PLD5: variants seen among roughly 807,000 people sequenced by gnomAD.
PLD5 encodes the protein phospholipase D family member 5, also known as inactive phospholipase D5.
PLD5 carries 36 observed loss-of-function variants against 61.1 expected under a neutral mutation model. That is an observed-to-expected ratio of 0.59 (90% CI 0.45 to 0.78). The LOEUF (loss-of-function observed/expected upper bound fraction) is 0.78. Ranked by LOEUF, PLD5 falls within the 30% of genes least tolerant of loss-of-function variation. The pLI, the probability that PLD5 is intolerant of heterozygous loss-of-function variation, is 0.00. For missense variants in PLD5, 515 were observed against 644.4 expected, an observed-to-expected ratio of 0.80 and a Z score of 2.17; for synonymous variants, 243 against 242.8, an observed-to-expected ratio of 1.00 and a Z score of -0.01.
At chr1:242,406,354 G>C (rs1026284794) in intron 1 of PLD5, among the ~76,000 whole-genome samples, 3 of 152,180 alleles carry the variant, frequency 2.0e-5, no homozygotes, top group Non-Finnish European at 4.4e-5. Context: ...TCTCCACTAA[G>C]AGAGCTAACA....
At chr1:242,095,925 A>G (rs1272544860) in intron 9 of PLD5, among the ~76,000 whole-genome samples, 1 of 152,128 alleles carries the variant, frequency 6.6e-6, no homozygotes, top group Non-Finnish European at 1.5e-5. Flanking sequence ...GGTCACTGAG[A>G]GTGACAACAG....
chr1:242,523,945 C>T (rs1256440051), intron 1 of PLD5, 143 bp downstream of exon 1: 1 of 897,548 alleles, frequency 1.1e-6, no homozygotes, highest in Non-Finnish European at 1.6e-6. Flanking sequence ...GCAGAGAAGC[C>T]CCCGAATCCG....
At chr1:242,146,138 A>G (rs541158968) in intron 5 of PLD5, among the ~76,000 whole-genome samples, 1 of 152,336 alleles carries the variant, frequency 6.6e-6, no homozygotes, top group Non-Finnish European at 1.5e-5. Flanking sequence ...TTGCTTACCA[A>G]GCTCAAGAGT....
At chr1:242,200,882 T>C (rs924968111) in intron 5 of PLD5, among the ~76,000 whole-genome samples, 2 of 152,206 alleles carry the variant, frequency 1.3e-5, no homozygotes, top group African/African-American at 4.8e-5. Flanking sequence ...TTTATTAACA[T>C]GTTATGCGTG....
chr1:242,328,142 C>T (rs1407027352), intron 2 of PLD5, among the ~76,000 whole-genome samples: 1 of 152,126 alleles, frequency 6.6e-6, no homozygotes, highest in Non-Finnish European at 1.5e-5. Context: ...AATAGTCAAT[C>T]ATTAACAACT....
At chr1:242,404,498 A>G (rs1338544350) in intron 1 of PLD5, among the ~76,000 whole-genome samples, 1 of 152,098 alleles carries the variant, frequency 6.6e-6, no homozygotes, top group African/African-American at 2.4e-5. Context: ...ACAGTTGTTC[A>G]CACTACGCCA....
At position 242,290,138 on chromosome 1, in the gene PLD5, T is replaced by C. The variant is rs547260433; in HGVS notation, c.327-1608A>G. Among the ~76,000 whole-genome samples the C allele has an allele frequency of 1.8e-3, 265 of 149,770 alleles. 2 individuals are homozygous for C. The highest frequency in any genetic ancestry group is 5.9e-3 in the African/African-American group (241 of 40,640). On this transcript the variant is annotated intron_variant, in intron 2 of 9. Transcript: ENST00000536534. Reference sequence around the variant, plus strand: ...GAATTTAGTGGAAAAGCCTATCTCATATGTACTGACTCAAATAGGAGGTAG... The same window carrying C: ...GAATTTAGTGGAAAAGCCTATCTCACATGTACTGACTCAAATAGGAGGTAG...
chr1:242,394,466 A>G lies in PLD5; in HGVS notation c.190-46224T>C, dbSNP rs1440729598. 2.4e-4 allele frequency among the ~76,000 whole-genome samples: 14 copies of G among 58,532 alleles called. 4 individuals carry two copies. Among genetic ancestry groups the G allele is most frequent in the Non-Finnish European group, 3.6e-4 (12 of 32,954 alleles). The allele number at this position is 58,532 out of a possible 152,430, so 38.4% of individuals were successfully genotyped here. ...TGTGTGTATATGAGTATATATGTGA[A>G]CATATATATGTGTATATATGTGAAC... On this transcript the variant is annotated intron_variant, in intron 1 of 9. Transcript: ENST00000536534.
At chr1:242,130,303 T>C (rs1018967474) in intron 5 of PLD5, among the ~76,000 whole-genome samples, 4 of 152,152 alleles carry the variant, frequency 2.6e-5, no homozygotes, top group African/African-American at 9.7e-5. Context: ...CCACCCGCCT[T>C]GGCCTCCCAA....
chr1:242,165,320 A>ATAAC (rs1489812988), intron 5 of PLD5, among the ~76,000 whole-genome samples: 2 of 152,166 alleles, frequency 1.3e-5, no homozygotes, highest in Admixed American at 1.3e-4. Flanking sequence ...AGTGCAAGTT[A>ATAAC]TAACTTTTAT....
rs1380392748 is a variant in PLD5, at chr1:242,333,237, A to G, written c.326+14869T>C. ...AAAGCAGAGGATCCTGCAGGATCTC[A>G]GAGTTAACCCCTATTTAATGTACAG... On this transcript the variant is annotated intron_variant, in intron 2 of 9. Coordinates refer to ENST00000536534, the MANE Select transcript of PLD5 (RefSeq NM_001372062.1). 2.6e-5 allele frequency among the ~76,000 whole-genome samples: 4 copies of G among 152,342 alleles called. No individual in the cohort carries two copies. The South Asian group carries it at 8.3e-4, about 32-fold the overall frequency.
At chr1:242,200,042 C>T (rs1390720853) in intron 5 of PLD5, among the ~76,000 whole-genome samples, 1 of 152,114 alleles carries the variant, frequency 6.6e-6, no homozygotes, top group Non-Finnish European at 1.5e-5. Context: ...ACCTTTAGGC[C>T]GTTTTGATGA....
intron 2 of PLD5, among the ~76,000 whole-genome samples, chr1:242,338,381 A>G (rs1659647148): frequency 6.6e-6 from 1 of 152,064 alleles, no homozygotes; most frequent in African/African-American, 2.4e-5. Context: ...TTGTCTGTGG[A>G]AAACACAGCT....
At chr1:242,309,158 G>C (rs1676547618) in intron 2 of PLD5, among the ~76,000 whole-genome samples, 1 of 152,180 alleles carries the variant, frequency 6.6e-6, no homozygotes, top group Admixed American at 6.5e-5. Flanking sequence ...TAGAAAGCAT[G>C]TAGAGCAGGG....
At chr1:242,434,658 G>C (rs967831214) in intron 1 of PLD5, among the ~76,000 whole-genome samples, 1 of 152,024 alleles carries the variant, frequency 6.6e-6, no homozygotes, top group Non-Finnish European at 1.5e-5. Flanking sequence ...GTGTCACCCA[G>C]GCTAGAGTGT....
At chr1:242,438,099 C>T (rs2810028) in intron 1 of PLD5, among the ~76,000 whole-genome samples, 49,551 of 151,658 alleles carry the variant, frequency 0.33, 8,641 homozygotes, top group Non-Finnish European at 0.39. Flanking sequence ...AGTTTTGGGG[C>T]ATTCGTAGAT....
At chr1:242,444,130 AAATG>A (rs529104749) in intron 1 of PLD5, among the ~76,000 whole-genome samples, 37 of 152,288 alleles carry the variant, frequency 2.4e-4, no homozygotes, top group Middle Eastern at 6.8e-3. Context: ...GACCACAGCA[AAATG>A]AATGAGATTA....
intron 1 of PLD5, among the ~76,000 whole-genome samples, chr1:242,348,915 G>A (rs1320850186): frequency 2.0e-4 from 30 of 152,266 alleles, no homozygotes; most frequent in South Asian, 1.0e-3. Context: ...TTAGCTGGGC[G>A]TGGTGGCAGG....
At chr1:242,260,069 C>T (rs914681876) in intron 4 of PLD5, among the ~76,000 whole-genome samples, 2 of 151,992 alleles carry the variant, frequency 1.3e-5, no homozygotes, top group Non-Finnish European at 2.9e-5. Context: ...GAATTGTTGG[C>T]CAGGTGGGGT....
Sources: allele counts gnomAD v4.1 joint callset (sites outside exome capture counted in the v4.1 genomes callset), GRCh38; gene constraint gnomAD v4.1.1; transcripts MANE v1.5; gene names NCBI Gene and HGNC (gene_info 2026-07-23, HGNC 2026-07-21).